Variants in CDH8 observed in about 807,000 individuals in gnomAD.
CDH8 encodes the protein cadherin 8.
CDH8 carries 17 observed loss-of-function variants against 68.1 expected under a neutral mutation model. That is an observed-to-expected ratio of 0.25 (90% CI 0.17 to 0.37). The LOEUF (loss-of-function observed/expected upper bound fraction) is 0.37. Ranked by LOEUF, CDH8 falls within the 10% of genes least tolerant of loss-of-function variation. The probability of loss-of-function intolerance (pLI) is 1.00; values close to 1 mark genes in which losing one functional copy is unlikely to be tolerated. For synonymous variants in CDH8, 372 were observed against 365.1 expected, an observed-to-expected ratio of 1.02 and a Z score of -0.21; for missense variants, 763 against 999.3, an observed-to-expected ratio of 0.76 and a Z score of 3.19.
At chr16:61,823,868 C>A (rs1255899554) in intron 5 of CDH8, among the ~76,000 whole-genome samples, 2 of 151,872 alleles carry the variant, frequency 1.3e-5, no homozygotes, top group African/African-American at 4.8e-5. Context: ...TGGCTGTACA[C>A]CATCCTTCCA....
chr16:61,758,180 G>A (rs944079578), intron 8 of CDH8, among the ~76,000 whole-genome samples: 23 of 152,220 alleles, frequency 1.5e-4, no homozygotes, highest in African/African-American at 5.5e-4. Flanking sequence ...GAAATTAGAT[G>A]AAAGGAAACC....
At chr16:61,654,527 C>T (rs551462622) in intron 11 of CDH8, among the ~76,000 whole-genome samples, 4 of 152,050 alleles carry the variant, frequency 2.6e-5, no homozygotes, top group Non-Finnish European at 5.9e-5. Context: ...GGTCCTTGGG[C>T]TTTCACAGTT....
chr16:61,725,087 T>C (rs1427071251), intron 9 of CDH8: 2 of 150,930 alleles, frequency 1.3e-5, no homozygotes, highest in Non-Finnish European at 3.0e-5. Flanking sequence ...CTAATAAATA[T>C]GTCTAAACAG....
intron 7 of CDH8, among the ~76,000 whole-genome samples, chr16:61,790,005 G>C (rs1262122853): frequency 1.3e-5 from 2 of 151,962 alleles, no homozygotes; most frequent in African/African-American, 4.8e-5. Context: ...TAAGTAAAGT[G>C]TGTATTTAGG....
At chr16:61,656,088 G>A (rs1304559008) in intron 10 of CDH8, among the ~76,000 whole-genome samples, 1 of 152,044 alleles carries the variant, frequency 6.6e-6, no homozygotes, top group Middle Eastern at 3.2e-3. Context: ...TAGCCAGGAT[G>A]GTCTCCATCT....
intron 10 of CDH8, among the ~76,000 whole-genome samples, chr16:61,700,123 TA>T (rs1964394812): frequency 6.6e-6 from 1 of 152,164 alleles, no homozygotes; most frequent in Admixed American, 6.6e-5. Context: ...ATTAAAATAT[TA>T]AAGTGTGAGA....
At chr16:62,010,018 T>C (rs1169849359) in intron 2 of CDH8, among the ~76,000 whole-genome samples, 1 of 152,156 alleles carries the variant, frequency 6.6e-6, no homozygotes, top group Non-Finnish European at 1.5e-5. Flanking sequence ...GTGTACTTGG[T>C]AGCAGCCCTG....
chr16:61,993,666 C>T (rs959238525), intron 2 of CDH8, among the ~76,000 whole-genome samples: 1 of 152,210 alleles, frequency 6.6e-6, no homozygotes, highest in South Asian at 2.1e-4. Flanking sequence ...CCCCTGTCCT[C>T]CAGTTCCTCC....
In CDH8 at chr16:61,978,700, T is replaced by C. The variant is rs185657674; in HGVS notation, c.252+42452A>G. Among the ~76,000 whole-genome samples, 208 of 152,268 alleles carry C rather than the reference T, an allele frequency of 1.4e-3. 1 individual carries two copies. Among genetic ancestry groups the C allele is most frequent in the Non-Finnish European group, 1.6e-3 (111 of 68,002 alleles). ...TAATCCACTTGGGCAAGCTCGTGTA[T>C]GTTGTAAGTGATCCAAATTCAGATA... On this transcript the variant is annotated intron_variant, in intron 2 of 11. Transcript: ENST00000577390.
intron 2 of CDH8, among the ~76,000 whole-genome samples, chr16:61,925,962 T>C (rs1964449280): frequency 6.6e-6 from 1 of 152,210 alleles, no homozygotes; most frequent in Non-Finnish European, 1.5e-5. Context: ...GAGAATCTAC[T>C]ATATACCATA....
At chr16:62,011,220 T>C (rs551359655) in intron 2 of CDH8, among the ~76,000 whole-genome samples, 2 of 152,282 alleles carry the variant, frequency 1.3e-5, no homozygotes, top group African/African-American at 4.8e-5. Context: ...CTCTGTAGAT[T>C]TCAGAACACA....
chr16:62,031,602 A>G (rs922532222), intron 1 of CDH8, among the ~76,000 whole-genome samples: 2 of 152,068 alleles, frequency 1.3e-5, no homozygotes, highest in Admixed American at 6.6e-5. Flanking sequence ...CATTTATGAT[A>G]CTTTCCAAAG....
intron 2 of CDH8, among the ~76,000 whole-genome samples, chr16:62,018,672 C>T (rs1041933365): frequency 2.0e-5 from 3 of 152,142 alleles, no homozygotes; most frequent in Non-Finnish European, 2.9e-5. Flanking sequence ...GGGAAATGTT[C>T]GCAGAAAAGT....
chr16:61,980,344 C>T (rs1457982651), intron 2 of CDH8, among the ~76,000 whole-genome samples: 5 of 152,114 alleles, frequency 3.3e-5, no homozygotes, highest in Non-Finnish European at 7.4e-5. Flanking sequence ...GCCCTATTGA[C>T]GTCATATCTT....
chr16:61,902,549 T>C (rs531338844), intron 2 of CDH8, among the ~76,000 whole-genome samples: 1 of 148,834 alleles, frequency 6.7e-6, no homozygotes, highest in South Asian at 2.1e-4. Context: ...CCAATATAGT[T>C]CCAGTTGAGA....
chr16:61,880,416 G>C (rs570309226), intron 3 of CDH8, among the ~76,000 whole-genome samples: 1 of 152,282 alleles, frequency 6.6e-6, no homozygotes, highest in African/African-American at 2.4e-5. Context: ...ATTTATTCAT[G>C]CTGAGCATTA....
Position 61,652,883 on chromosome 16 carries a change from AC to A in CDH8, c.*724del. On this transcript the variant is annotated 3_prime_UTR_variant, in exon 12 of 12. Coordinates refer to ENST00000577390, the MANE Select transcript of CDH8 (RefSeq NM_001796.5). Reference sequence around the variant, plus strand: ...TGTGGAAGAAGATGAAGAGGAGGGAACGAGGAATCCTGCTTCTAGAAAACAA... The same window carrying A: ...TGTGGAAGAAGATGAAGAGGAGGGAAGAGGAATCCTGCTTCTAGAAAACAA... 6.6e-7 allele frequency: 1 copy of A among 1,525,664 alleles called. No homozygotes were observed. The highest frequency in any genetic ancestry group is 8.8e-7 in the Non-Finnish European group (1 of 1,141,872). 94.5% of individuals were successfully genotyped at this position (1,525,664 alleles called of 1,614,324 possible). A position where few individuals can be genotyped will look rare whatever the true frequency, so the allele number is the denominator to read the frequency against.
At chr16:61,836,659 G>A (rs1481839413) in intron 4 of CDH8, among the ~76,000 whole-genome samples, 1 of 151,794 alleles carries the variant, frequency 6.6e-6, no homozygotes, top group Non-Finnish European at 1.5e-5. Context: ...ATTTAATTAC[G>A]GTAGCTGTCA....
intron 8 of CDH8, among the ~76,000 whole-genome samples, chr16:61,778,435 T>A (rs557416112): frequency 1.4e-4 from 21 of 152,210 alleles, no homozygotes; most frequent in African/African-American, 4.8e-4. Flanking sequence ...GGCTATGCAA[T>A]GCAGAAACAT....
Sources: gnomAD v4.1 joint callset for allele counts (sites outside exome capture counted in the v4.1 genomes callset) on GRCh38, gnomAD v4.1.1 for gene constraint, MANE v1.5 for transcripts, NCBI Gene and HGNC (gene_info 2026-07-23, HGNC 2026-07-21) for gene names.